PKP4: variants seen among roughly 807,000 people sequenced by gnomAD.
The protein encoded by PKP4 is plakophilin 4, also known as plakophilin-4.
PKP4 carries 90 observed loss-of-function variants against 145.1 expected under a neutral mutation model. That is an observed-to-expected ratio of 0.62 (90% CI 0.52 to 0.74). The LOEUF is 0.74. Ranked by LOEUF, PKP4 falls within the 30% of genes least tolerant of loss-of-function variation. The pLI is 0.00. For missense variants in PKP4, 1,340 were observed against 1,482.7 expected, an observed-to-expected ratio of 0.90 and a Z score of 1.58; for synonymous variants, 563 against 577.2, an observed-to-expected ratio of 0.98 and a Z score of 0.35.
At chr2:158,570,952 A>T (rs1358034520) in intron 2 of PKP4, among the ~76,000 whole-genome samples, 1 of 152,186 alleles carries the variant, frequency 6.6e-6, no homozygotes, top group Non-Finnish European at 1.5e-5. Flanking sequence ...AACATAGAGG[A>T]TTCCAGAGAG....
chr2:158,548,854 T>C, intron 2 of PKP4: 1 of 205,794 alleles, frequency 4.9e-6, no homozygotes, highest in South Asian at 6.6e-5. Context: ...GTTAACATTG[T>C]CACCACCTTT....
chr2:158,551,625 A>G (rs1173162015), intron 2 of PKP4, among the ~76,000 whole-genome samples: 1 of 152,222 alleles, frequency 6.6e-6, no homozygotes, highest in Non-Finnish European at 1.5e-5. Flanking sequence ...CTGTTTCTAA[A>G]ATATTTTTAC....
chr2:158,518,407 G>C (rs1276019891), intron 1 of PKP4, among the ~76,000 whole-genome samples: 1 of 152,178 alleles, frequency 6.6e-6, no homozygotes, highest in South Asian at 2.1e-4. Flanking sequence ...CAGATTCCAG[G>C]GGTGGGGCAG....
chr2:158,474,883 C>T (rs1402791973), intron 1 of PKP4, among the ~76,000 whole-genome samples: 1 of 152,224 alleles, frequency 6.6e-6, no homozygotes, highest in Non-Finnish European at 1.5e-5. Context: ...TGACTGATGC[C>T]TTGTGGGGTT....
chr2:158,552,990 C>T lies in PKP4; in HGVS notation c.132+19674C>T, dbSNP rs574117529. 1.2e-3 allele frequency among the ~76,000 whole-genome samples: 186 copies of T among 152,098 alleles called. 1 individual carries two copies. Among genetic ancestry groups the T allele is most frequent in the African/African-American group, 4.2e-3 (176 of 41,504 alleles). ...AGTAATGAAGCGAAGTGCAGTGAAA[C>T]AAGATATGCCAATACTGGTAGAAAA... On this transcript the variant is annotated intron_variant, in intron 2 of 21. Transcript: ENST00000389759.
At position 158,634,072 on chromosome 2, in the gene PKP4, G is replaced by A; in HGVS notation, c.1345G>A (p.Gly449Ser). 1 of 1,571,378 alleles carries A rather than the reference G, an allele frequency of 6.4e-7. No homozygotes were observed. Among genetic ancestry groups the A allele is most frequent in the Non-Finnish European group, 8.8e-7 (1 of 1,141,184 alleles). ...TTTTCAAAATGTTGACTTTCTAGTA[G>A]GTATTGGAAATCTACAAAGGACATC... ...QTALYRTGSVGIGNLQRTSSQ... is the reference protein window; with the variant it reads ...QTALYRTGSVSIGNLQRTSSQ... Residue 449 changes from glycine (G) to serine (S), a missense_variant and splice_region_variant, in exon 9 of 22, where the codon GGT (glycine) becomes AGT (serine). Transcript: ENST00000389759.
chr2:158,661,303 C>T (rs752721942), intron 12 of PKP4, 30 bp from the exon 13 acceptor site: 8 of 1,512,402 alleles, frequency 5.3e-6, no homozygotes, highest in South Asian at 2.2e-5. Context: ...TGGTTCATCT[C>T]AGCAGCTCCT....
intron 15 of PKP4, among the ~76,000 whole-genome samples, chr2:158,665,658 C>T (rs1374818804): frequency 2.6e-5 from 4 of 152,154 alleles, no homozygotes; most frequent in Admixed American, 2.0e-4. Flanking sequence ...CGTTTTCTAA[C>T]GTTACTCTTT....
At chr2:158,590,042 TGTTATTATA>T (rs2049121794) in intron 3 of PKP4, among the ~76,000 whole-genome samples, 1 of 152,164 alleles carries the variant, frequency 6.6e-6, no homozygotes, top group Non-Finnish European at 1.5e-5. Context: ...TTGTCTGAAT[TGTTATTATA>T]GTTATCTTCC....
chr2:158,578,339 A>G (rs2048037516), intron 3 of PKP4: 1 of 162,914 alleles, frequency 6.1e-6, no homozygotes, highest in Non-Finnish European at 1.5e-5. Flanking sequence ...GGCATAAAGT[A>G]TATAAATAAA....
At chr2:158,510,934 C>G (rs1357729592) in intron 1 of PKP4, among the ~76,000 whole-genome samples, 1 of 152,226 alleles carries the variant, frequency 6.6e-6, no homozygotes, top group Non-Finnish European at 1.5e-5. Flanking sequence ...TGCATCTGCT[C>G]TACTTTTCTG....
Position 158,567,214 on chromosome 2 carries a change from A to T in PKP4, c.133-10057A>T, listed in dbSNP as rs142190845. ...GAGGAGTCCTGTTTAGTAAATTGAG[A>T]AGATGTCACAGAACACTATACCCTA... is the stretch of plus-strand genomic sequence containing the variant. On this transcript the variant is annotated intron_variant, in intron 2 of 21. Coordinates refer to ENST00000389759, the MANE Select transcript of PKP4 (RefSeq NM_003628.6). Among the ~76,000 whole-genome samples the T allele has an allele frequency of 7.0e-4, 107 of 152,270 alleles. 1 individual carries two copies. Among genetic ancestry groups the T allele is most frequent in the African/African-American group, 2.5e-3 (103 of 41,556 alleles).
chr2:158,510,847 AG>A (rs1336756722), intron 1 of PKP4, among the ~76,000 whole-genome samples: 1 of 152,258 alleles, frequency 6.6e-6, no homozygotes, highest in Non-Finnish European at 1.5e-5. Context: ...TTTGGGGACA[AG>A]CAGATGCAGA....
At chr2:158,678,050 A>AACAT (rs2058160806) in intron 20 of PKP4, among the ~76,000 whole-genome samples, 1 of 152,244 alleles carries the variant, frequency 6.6e-6, no homozygotes, top group African/African-American at 2.4e-5. Context: ...TTTGTATTAA[A>AACAT]ACATACTTAA....
At position 158,675,231 on chromosome 2, in the gene PKP4, G is replaced by A. The variant is rs1055157709; in HGVS notation, c.3127+1231G>A. 4.6e-5 allele frequency among the ~76,000 whole-genome samples: 7 copies of A among 152,032 alleles called. No homozygotes were observed. In the South Asian group the frequency reaches 6.2e-4, roughly 14 times the overall value. On this transcript the variant is annotated intron_variant, in intron 19 of 21. Coordinates refer to ENST00000389759, the MANE Select transcript of PKP4 (RefSeq NM_003628.6). ...ATTAGTACGAGCTTGTCCAATCTGC[G>A]GCCCATGGGTTTTATGCGTCCCAGG...
At chr2:158,530,504 CTTTT>C (rs869120223) in intron 1 of PKP4, among the ~76,000 whole-genome samples, 56 of 92,128 alleles carry the variant, frequency 6.1e-4, no homozygotes, top group East Asian at 2.4e-3. Flanking sequence ...CTCTTTCTTT[CTTTT>C]TTTTTTTTTT....
chr2:158,574,934 A>G (rs889469788), intron 2 of PKP4, among the ~76,000 whole-genome samples: 3 of 152,256 alleles, frequency 2.0e-5, no homozygotes, highest in Admixed American at 6.5e-5. Flanking sequence ...TAGCAACTCA[A>G]GAACTGTAAA....
Position 158,533,204 on chromosome 2 carries a change from C to A in PKP4, c.20C>A (p.Ala7Asp), listed in dbSNP as rs201192196. The A allele has an allele frequency of 9.3e-6, 15 of 1,613,180 alleles. No individual in the cohort carries two copies. The highest frequency in any genetic ancestry group is 1.2e-5 in the Non-Finnish European group (14 of 1,179,840). The change falls in exon 2 of 22, where the codon GCC becomes GAC. Residue 7 changes from alanine to aspartate, a missense_variant. Coordinates refer to ENST00000389759, the MANE Select transcript of PKP4 (RefSeq NM_003628.6). MPAPEQ[A>D]SLVEEGQPQT... ...GGAGGAATGCCAGCTCCTGAGCAGG[C>A]CTCATTGGTGGAGGAGGGGCAACCA...
At chr2:158,598,400 G>A (rs542656384) in intron 3 of PKP4, among the ~76,000 whole-genome samples, 82 of 152,240 alleles carry the variant, frequency 5.4e-4, no homozygotes, top group African/African-American at 1.9e-3. Context: ...ATCCACTAAA[G>A]CAGGCTTGCT....
Sources: gnomAD v4.1 joint callset for allele counts (sites outside exome capture counted in the v4.1 genomes callset) on GRCh38, gnomAD v4.1.1 for gene constraint, MANE v1.5 for transcripts, NCBI Gene and HGNC (gene_info 2026-07-23, HGNC 2026-07-21) for gene names.